The following MACO1 variants were observed in gnomAD, a reference collection of about 807,000 sequenced individuals.
MACO1 encodes macoilin 1.
MACO1 carries 14 observed loss-of-function variants against 78.7 expected under a neutral mutation model. That is an observed-to-expected ratio of 0.18 (90% confidence interval 0.12 to 0.28). MACO1 has a LOEUF of 0.28. Ranked by LOEUF, MACO1 falls within the 10% of genes least tolerant of loss-of-function variation. MACO1 has a pLI of 1.00. For missense variants in MACO1, 501 were observed against 799.0 expected (o/e 0.63, Z 4.50); for synonymous variants, 288 against 291.6 (o/e 0.99, Z 0.12).
chr1:25,474,242 A>C (rs934515290), intron 6 of MACO1, among the ~76,000 whole-genome samples: 2 of 152,216 alleles, frequency 1.3e-5, no homozygotes, highest in African/African-American at 2.4e-5. Flanking sequence ...CTCTCAGTTA[A>C]AAAACTTTTT....
intron 1 of MACO1, among the ~76,000 whole-genome samples, chr1:25,440,781 AAAAAG>A (rs1054756504): frequency 3.9e-5 from 6 of 152,030 alleles, no homozygotes; most frequent in Non-Finnish European, 8.8e-5. Flanking sequence ...AAAAAAAAAA[AAAAAG>A]AAAAGTAACA....
At chr1:25,465,690 T>A (rs1224596454) in intron 6 of MACO1, among the ~76,000 whole-genome samples, 1 of 152,236 alleles carries the variant, frequency 6.6e-6, no homozygotes, top group Non-Finnish European at 1.5e-5. Context: ...GATTGTGTAT[T>A]GGTCAAGTCA....
chr1:25,438,134 G>A (rs1306007861), intron 1 of MACO1, among the ~76,000 whole-genome samples: 1 of 152,146 alleles, frequency 6.6e-6, no homozygotes, highest in African/African-American at 2.4e-5. Flanking sequence ...GTAACCTAAT[G>A]CAGGTGGTGA....
intron 1 of MACO1, among the ~76,000 whole-genome samples, chr1:25,437,298 C>CTTTT (rs1173305681): frequency 6.1e-5 from 4 of 65,860 alleles, no homozygotes; most frequent in Non-Finnish European, 1.2e-4. Context: ...CCATGCCTGG[C>CTTTT]TTTTTTTTTT....
Position 25,430,946 on chromosome 1 carries a change from C to CCG in MACO1, c.-153_-152insCG. 3 of 435,498 alleles carry CCG rather than the reference C, an allele frequency of 6.9e-6. No individual in the cohort carries two copies. The highest frequency in any genetic ancestry group is 8.9e-5 in the East Asian group (2 of 22,510). The allele number at this position is 435,498 out of a possible 1,614,324, so 27.0% of individuals were successfully genotyped here. A position where few individuals can be genotyped will look rare whatever the true frequency, so the allele number is the denominator to read the frequency against. On this transcript the variant is annotated 5_prime_UTR_variant, in exon 1 of 11. Transcript: ENST00000374343. ...GAGGAGGCTCCGAGCCCCCCCTCCC[C>CCG]GTGCTACCCCCTCCCCCCGGGTGCT...
At chr1:25,446,488 ATAG>A (rs926591438) in intron 1 of MACO1, among the ~76,000 whole-genome samples, 8 of 152,190 alleles carry the variant, frequency 5.3e-5, no homozygotes, top group South Asian at 2.1e-4. Flanking sequence ...CATTTTTAAA[ATAG>A]TGGTGGGATT....
rs191260535 is a variant in MACO1 at position 25,495,103 on chromosome 1, T to C, written c.1793-3161T>C. Among the ~76,000 whole-genome samples the C allele has an allele frequency of 1.4e-4, 21 of 152,320 alleles. No individual in the cohort carries two copies. The East Asian group carries it at 3.3e-3, about 24-fold the overall frequency. On this transcript the variant is annotated intron_variant, in intron 10 of 10. Coordinates refer to ENST00000374343, the MANE Select transcript of MACO1 (RefSeq NM_018202.6). Reference sequence around the variant, plus strand: ...GCTTCTGACCTTACACTGACTTTTTTTGCCTGCCTGGCTTAGTTCCCTGAG... The same window carrying C: ...GCTTCTGACCTTACACTGACTTTTTCTGCCTGCCTGGCTTAGTTCCCTGAG...
At chr1:25,436,070 C>A (rs1185851447) in intron 1 of MACO1, among the ~76,000 whole-genome samples, 1 of 152,186 alleles carries the variant, frequency 6.6e-6, no homozygotes, top group Non-Finnish European at 1.5e-5. Flanking sequence ...CATTGATAGT[C>A]TCCTTTTTCT....
intron 6 of MACO1, among the ~76,000 whole-genome samples, chr1:25,479,431 T>G (rs76285005): frequency 1.3e-5 from 2 of 152,168 alleles, no homozygotes; most frequent in Non-Finnish European, 2.9e-5. Flanking sequence ...CTTTTTTTTT[T>G]GAAATGGAGT....
intron 1 of MACO1, among the ~76,000 whole-genome samples, chr1:25,440,208 A>G (rs942159328): frequency 2.0e-5 from 3 of 146,458 alleles, no homozygotes; most frequent in African/African-American, 7.7e-5. Context: ...AATCTGGGCA[A>G]CATAGCAACA....
intron 6 of MACO1, among the ~76,000 whole-genome samples, chr1:25,468,628 GCACAT>G (rs2043239546): frequency 6.6e-6 from 1 of 152,066 alleles, no homozygotes; most frequent in African/African-American, 2.4e-5. Context: ...GTTATTTTAG[GCACAT>G]CAAAATGATA....
chr1:25,436,268 A>C (rs1303850161), intron 1 of MACO1, among the ~76,000 whole-genome samples: 2 of 151,738 alleles, frequency 1.3e-5, no homozygotes, highest in African/African-American at 4.9e-5. Flanking sequence ...TTTCTCCCAG[A>C]TCTCCCCACT....
intron 3 of MACO1, among the ~76,000 whole-genome samples, chr1:25,453,783 G>A (rs76174301): frequency 0.05 from 7,666 of 151,828 alleles, 595 homozygotes; most frequent in African/African-American, 0.17. Flanking sequence ...TTATTGCCGA[G>A]TATGAAAATG....
intron 1 of MACO1, among the ~76,000 whole-genome samples, chr1:25,435,420 A>G (rs1009483923): frequency 6.6e-6 from 1 of 152,200 alleles, no homozygotes; most frequent in African/African-American, 2.4e-5. Context: ...CTCAAAAGTG[A>G]CTTTTTAAAG....
Position 25,484,294 on chromosome 1 carries a change from C to A in MACO1, c.1313+20C>A, listed in dbSNP as rs754095328. 1 of 1,568,050 alleles carries A rather than the reference C, an allele frequency of 6.4e-7. No individual in the cohort carries two copies. The highest frequency in any genetic ancestry group is 1.2e-5 in the South Asian group (1 of 83,884). On this transcript the variant is annotated intron_variant, in intron 7 of 10. Transcript: ENST00000374343. Reference sequence around the variant, plus strand: ...GAACAAGTACGTGCACCTTTCAGGCCTTTGGCCGTAAGCCCGGCAGCTTCA... The same window carrying A: ...GAACAAGTACGTGCACCTTTCAGGCATTTGGCCGTAAGCCCGGCAGCTTCA...
intron 6 of MACO1, among the ~76,000 whole-genome samples, chr1:25,477,496 T>A (rs2043332629): frequency 6.6e-6 from 1 of 152,138 alleles, no homozygotes; most frequent in African/African-American, 2.4e-5. Context: ...CACTTGCTCT[T>A]TAGAGTTCAT....
At chr1:25,474,303 A>G (rs1222792447) in intron 6 of MACO1, among the ~76,000 whole-genome samples, 1 of 152,114 alleles carries the variant, frequency 6.6e-6, no homozygotes, top group Non-Finnish European at 1.5e-5. Flanking sequence ...TATGGGCTAT[A>G]TTGGCTCACC....
intron 4 of MACO1, 106 bp downstream of exon 4, chr1:25,454,488 A>ATCTT (rs1441909435): frequency 1.4e-5 from 1 of 71,190 alleles, no homozygotes; most frequent in African/African-American, 4.1e-5. Flanking sequence ...ATATATATAT[A>ATCTT]TTTTTTTTTT....
intron 1 of MACO1, among the ~76,000 whole-genome samples, chr1:25,443,625 G>A (rs1475393234): frequency 6.6e-6 from 1 of 152,228 alleles, no homozygotes; most frequent in African/African-American, 2.4e-5. Context: ...GGTAATTTTT[G>A]AACTACGTTA....
Sources: allele counts gnomAD v4.1 joint callset (sites outside exome capture counted in the v4.1 genomes callset), GRCh38; gene constraint gnomAD v4.1.1; transcripts MANE v1.5; gene names NCBI Gene and HGNC (gene_info 2026-07-23, HGNC 2026-07-21).